The following DLG2 variants were observed in gnomAD, a reference collection of about 807,000 sequenced individuals.
DLG2 encodes disks large homolog 2.
In DLG2, 45 loss-of-function variants were observed where a neutral mutation model predicts 132.5. That is an observed-to-expected ratio of 0.34 (90% CI 0.27 to 0.44). The LOEUF is 0.44. Ranked by LOEUF, DLG2 falls within the 20% of genes least tolerant of loss-of-function variation. DLG2 has a pLI of 1.00. For synonymous variants in DLG2, 424 were observed against 419.6 expected, an observed-to-expected ratio of 1.01 and a Z score of -0.13; for missense variants, 1,045 against 1,196.9, an observed-to-expected ratio of 0.87 and a Z score of 1.87.
chr11:83,905,505 T>A (rs777677342), intron 15 of DLG2, among the ~76,000 whole-genome samples: 1 of 152,198 alleles, frequency 6.6e-6, no homozygotes, highest in Non-Finnish European at 1.5e-5. Flanking sequence ...ATATATGGTA[T>A]GTCTTCCATC....
chr11:84,454,317 A>C (rs188616978), intron 7 of DLG2, among the ~76,000 whole-genome samples: 29 of 151,654 alleles, frequency 1.9e-4, no homozygotes, highest in African/African-American at 6.7e-4. Flanking sequence ...ATATATTCTT[A>C]CTACCCATGG....
At chr11:84,126,642 G>A (rs1386093750) in intron 9 of DLG2, among the ~76,000 whole-genome samples, 2 of 152,176 alleles carry the variant, frequency 1.3e-5, no homozygotes, top group Middle Eastern at 3.4e-3. Flanking sequence ...ATTTGTAAAC[G>A]TATGAAACTA....
intron 6 of DLG2, among the ~76,000 whole-genome samples, chr11:84,894,158 C>T (rs1407309276): frequency 6.6e-6 from 1 of 152,150 alleles, no homozygotes; most frequent in African/African-American, 2.4e-5. Flanking sequence ...CTAGGTAAAG[C>T]TTCTTGGTTG....
At chr11:84,847,462 T>G (rs1020901415) in intron 6 of DLG2, among the ~76,000 whole-genome samples, 1 of 152,156 alleles carries the variant, frequency 6.6e-6, no homozygotes, top group Admixed American at 6.6e-5. Flanking sequence ...GGTTTTTTAG[T>G]GATGTACAAT....
intron 6 of DLG2, among the ~76,000 whole-genome samples, chr11:85,103,421 A>G (rs1463097961): frequency 6.6e-6 from 1 of 152,006 alleles, no homozygotes; most frequent in Non-Finnish European, 1.5e-5. Context: ...GATTATTGAA[A>G]CAGAGTTGAA....
At chr11:84,068,164 A>G (rs1384676892) in intron 10 of DLG2, among the ~76,000 whole-genome samples, 1 of 152,238 alleles carries the variant, frequency 6.6e-6, no homozygotes, top group Non-Finnish European at 1.5e-5. Context: ...AATAAAGTAG[A>G]TCTATAGGAA....
intron 21 of DLG2, among the ~76,000 whole-genome samples, chr11:83,506,709 C>G (rs1203566869): frequency 6.6e-6 from 1 of 151,708 alleles, no homozygotes; most frequent in Non-Finnish European, 1.5e-5. Flanking sequence ...TTTCTTCTGG[C>G]AAAAAAAGGT....
At chr11:85,503,934 G>A (rs939712004) in intron 3 of DLG2, among the ~76,000 whole-genome samples, 1 of 151,912 alleles carries the variant, frequency 6.6e-6, no homozygotes. Flanking sequence ...CCTGTCTCAA[G>A]AAGGAGGAGG....
chr11:84,811,126 A>T (rs2153971851), intron 6 of DLG2, among the ~76,000 whole-genome samples: 1 of 152,332 alleles, frequency 6.6e-6, no homozygotes, highest in South Asian at 2.1e-4. Context: ...ATGTGAATGT[A>T]TAGGTATCTC....
chr11:84,599,322 CTG>C (rs928241156), intron 6 of DLG2, among the ~76,000 whole-genome samples: 12 of 152,148 alleles, frequency 7.9e-5, no homozygotes, highest in African/African-American at 2.9e-4. Flanking sequence ...ACTATGAAAA[CTG>C]TGTCATATGT....
Position 84,621,774 on chromosome 11 carries a change from T to C in DLG2, c.358-87043A>G, listed in dbSNP as rs529210538. Among the ~76,000 whole-genome samples, 47 of 152,224 alleles carry C rather than the reference T, an allele frequency of 3.1e-4. No homozygotes were observed. In the South Asian group the frequency reaches 9.5e-3, roughly 31 times the overall value. ...TTTTAAGATCAGCATCAGTAGTAACTGTGTCATAGGAATAGCGCAAGGGTA... is the reference window on the plus strand; with the variant it reads ...TTTTAAGATCAGCATCAGTAGTAACCGTGTCATAGGAATAGCGCAAGGGTA... On this transcript the variant is annotated intron_variant, in intron 6 of 27. Transcript: ENST00000376104.
chr11:84,843,466 C>T (rs749897869), intron 6 of DLG2, among the ~76,000 whole-genome samples: 6 of 151,786 alleles, frequency 4.0e-5, no homozygotes, highest in East Asian at 3.9e-4. Context: ...GTACTAAGCA[C>T]GTTAAGTACA....
chr11:85,422,825 A>T (rs1480671190), intron 3 of DLG2, among the ~76,000 whole-genome samples: 2 of 151,880 alleles, frequency 1.3e-5, no homozygotes, highest in African/African-American at 4.8e-5. Flanking sequence ...TATTTCTTTG[A>T]ATATTTCTCC....
chr11:85,506,593 C>G (rs1006355008), intron 3 of DLG2, among the ~76,000 whole-genome samples: 4 of 152,010 alleles, frequency 2.6e-5, no homozygotes, highest in African/African-American at 9.7e-5. Context: ...AGTTTGTTAT[C>G]ATTTCTGTTC....
At chr11:84,702,046 C>T (rs1351732240) in intron 6 of DLG2, among the ~76,000 whole-genome samples, 2 of 151,568 alleles carry the variant, frequency 1.3e-5, no homozygotes, top group African/African-American at 2.4e-5. Context: ...TGTTCATTTC[C>T]ACAGGCCTAG....
At chr11:84,465,684 A>G (rs2099092411) in intron 7 of DLG2, among the ~76,000 whole-genome samples, 1 of 151,308 alleles carries the variant, frequency 6.6e-6, no homozygotes, top group African/African-American at 2.4e-5. Flanking sequence ...AATCATTTTT[A>G]TGGTACAAAA....
intron 11 of DLG2, among the ~76,000 whole-genome samples, chr11:83,995,823 T>C (rs368765414): frequency 2.7e-4 from 41 of 152,062 alleles, no homozygotes; most frequent in East Asian, 2.1e-3. Context: ...AAAAATCAAA[T>C]CAAAAGGCAT....
chr11:83,851,710 G>A lies in DLG2; in HGVS notation c.1566-17940C>T, dbSNP rs188673419. On this transcript the variant is annotated intron_variant, in intron 16 of 27. Coordinates refer to ENST00000376104, the MANE Select transcript of DLG2 (RefSeq NM_001142699.3). Reference sequence around the variant, plus strand: ...GTCAAGGTGGGTGGATCACGAGGTCGGGAGTTCAAGACCAGCCTGGCCAAA... The same window carrying A: ...GTCAAGGTGGGTGGATCACGAGGTCAGGAGTTCAAGACCAGCCTGGCCAAA... 5.9e-5 allele frequency among the ~76,000 whole-genome samples: 9 copies of A among 151,394 alleles called. No individual in the cohort carries two copies. The East Asian group carries it at 9.7e-4, about 16-fold the overall frequency.
At chr11:85,348,992 A>G (rs890247897) in intron 3 of DLG2, among the ~76,000 whole-genome samples, 2 of 152,130 alleles carry the variant, frequency 1.3e-5, no homozygotes, top group African/African-American at 4.8e-5. Context: ...TAAGCCCCCA[A>G]CCAACTGAAT....
Sources: gnomAD v4.1 joint callset for allele counts (sites outside exome capture counted in the v4.1 genomes callset) on GRCh38, gnomAD v4.1.1 for gene constraint, MANE v1.5 for transcripts, NCBI Gene and HGNC (gene_info 2026-07-23, HGNC 2026-07-21) for gene names.